TEAD4: variants seen among roughly 807,000 people sequenced by gnomAD.
TEAD4 encodes transcriptional enhancer factor TEF-3.
A neutral mutation model predicts 52.4 loss-of-function variants in TEAD4; 36 were observed. That is an observed-to-expected ratio of 0.69 (90% CI 0.53 to 0.91). The LOEUF is 0.91. TEAD4 is among the 40% of genes least tolerant of loss of function. TEAD4 has a pLI of 0.00. For synonymous variants in TEAD4, 220 were observed against 231.0 expected (o/e 0.95, Z 0.43); for missense variants, 508 against 583.9 (o/e 0.87, Z 1.34).
At chr12:3,017,269 CTT>C in intron 5 of TEAD4, 127 bp from the exon 6 acceptor site, 1 of 1,254,202 alleles carries the variant, frequency 8.0e-7, no homozygotes, top group South Asian at 1.3e-5. Flanking sequence ...ACGGCACAGA[CTT>C]AACGCCTGGT....
rs373486560 is a variant in TEAD4 at position 3,040,487 on chromosome 12, G to A, written c.*9G>A. On this transcript the variant is annotated 3_prime_UTR_variant, in exon 13 of 13. Transcript: ENST00000359864. The stretch of plus-strand genomic sequence containing the variant: ...GGCTGGTGAAAGAATGAGAGACTCG[G>A]GGAGCAGGGAGGGGGGAAGAGACGT... 554 of 1,612,814 alleles carry A rather than the reference G, an allele frequency of 3.4e-4. No homozygotes were observed. The highest frequency in any genetic ancestry group is 5.0e-4 in the Admixed American group (30 of 59,974).
chr12:3,029,273 T>C (rs2098274002), intron 10 of TEAD4, among the ~76,000 whole-genome samples: 2 of 137,850 alleles, frequency 1.5e-5, no homozygotes, highest in Admixed American at 1.7e-4. Context: ...AGTCTCACTC[T>C]GTCACCCAGG....
At chr12:3,003,051 C>T (rs2098252930) in intron 3 of TEAD4, among the ~76,000 whole-genome samples, 1 of 152,190 alleles carries the variant, frequency 6.6e-6, no homozygotes, top group African/African-American at 2.4e-5. Context: ...CACCCTGGCC[C>T]CCGCTTCCAG....
In TEAD4 at chr12:2,994,437, G is replaced by A. The variant is rs115480760; in HGVS notation, c.-29-301G>A. On this transcript the variant is annotated intron_variant, in intron 2 of 12. Coordinates refer to ENST00000359864, the MANE Select transcript of TEAD4 (RefSeq NM_003213.4). The surrounding 1 kb of genome is among the most constrained non-coding windows in gnomAD (Gnocchi z 4.7). ...TTTTGCATGCTTTTTGCCCAGGGTCGATTTAATGTCAGTGCATCCCCGGCA... is the reference window on the plus strand; with the variant it reads ...TTTTGCATGCTTTTTGCCCAGGGTCAATTTAATGTCAGTGCATCCCCGGCA... Among the ~76,000 whole-genome samples the A allele has an allele frequency of 4.6e-3, 706 of 152,206 alleles. 3 individuals are homozygous for A. The highest frequency in any genetic ancestry group is 0.016 in the African/African-American group (658 of 41,538).
At chr12:3,003,878 G>T (rs1034632814) in intron 3 of TEAD4, among the ~76,000 whole-genome samples, 1 of 152,214 alleles carries the variant, frequency 6.6e-6, no homozygotes, top group South Asian at 2.1e-4. Flanking sequence ...GCAGCTAGGG[G>T]CAGAGCTGGG....
At chr12:2,996,748 C>T (rs2098247539) in intron 3 of TEAD4, among the ~76,000 whole-genome samples, 1 of 151,950 alleles carries the variant, frequency 6.6e-6, no homozygotes, top group South Asian at 2.1e-4. Flanking sequence ...CAGAGTCTTG[C>T]TCTGTCGCCC....
At chr12:3,028,524 G>T (rs949273724) in intron 10 of TEAD4, among the ~76,000 whole-genome samples, 6 of 152,124 alleles carry the variant, frequency 3.9e-5, no homozygotes, top group Non-Finnish European at 7.4e-5. Flanking sequence ...TCTCATTGTG[G>T]TTTTTATCTG....
intron 2 of TEAD4, among the ~76,000 whole-genome samples, chr12:2,993,224 C>T (rs2098244571): frequency 6.6e-6 from 1 of 152,184 alleles, no homozygotes; most frequent in Non-Finnish European, 1.5e-5. Context: ...CTTCATCGTG[C>T]AAAACCGAAA....
At chr12:2,967,788 C>T (rs553225724) in intron 2 of TEAD4, among the ~76,000 whole-genome samples, 1 of 152,258 alleles carries the variant, frequency 6.6e-6, no homozygotes, top group African/African-American at 2.4e-5. Context: ...TGTTTTTCAA[C>T]CTCTACTTTA....
At chr12:3,032,057 TTG>T (rs1383716021) in intron 10 of TEAD4, among the ~76,000 whole-genome samples, 1 of 152,208 alleles carries the variant, frequency 6.6e-6, no homozygotes, top group Non-Finnish European at 1.5e-5. Context: ...AGCCAGCCCC[TTG>T]GGCTTCTTGG....
intron 2 of TEAD4, among the ~76,000 whole-genome samples, chr12:2,965,678 A>G (rs2098219645): frequency 6.6e-6 from 1 of 151,966 alleles, no homozygotes; most frequent in African/African-American, 2.4e-5. Context: ...CAGCCTCCCC[A>G]GTAGCTGGGA....
At chr12:3,016,823 C>G (rs114959418) in intron 5 of TEAD4, among the ~76,000 whole-genome samples, 8 of 152,132 alleles carry the variant, frequency 5.3e-5, no homozygotes, top group African/African-American at 1.9e-4. Flanking sequence ...CAGGGTGAAC[C>G]CATCCTCTGG....
At chr12:2,967,212 A>G (rs1221619753) in intron 2 of TEAD4, among the ~76,000 whole-genome samples, 1 of 74,982 alleles carries the variant, frequency 1.3e-5, no homozygotes, top group East Asian at 5.2e-4. Flanking sequence ...ACATAATACT[A>G]TAATTCGGGT....
intron 2 of TEAD4, among the ~76,000 whole-genome samples, chr12:2,969,611 T>G (rs1049578470): frequency 1.3e-5 from 2 of 152,148 alleles, no homozygotes; most frequent in East Asian, 1.9e-4. Flanking sequence ...TTCCACTAGA[T>G]GAAACACTTC....
chr12:2,962,284 A>T lies in TEAD4; in HGVS notation c.-30+2244A>T, dbSNP rs942811181. ...GTTTCATATATATATATTTATATAT[A>T]TTTATTTATATATATAAATATAAAT... On this transcript the variant is annotated intron_variant, in intron 2 of 12. Coordinates refer to ENST00000359864, the MANE Select transcript of TEAD4 (RefSeq NM_003213.4). Among the ~76,000 whole-genome samples, 11 of 135,036 alleles carry T rather than the reference A, an allele frequency of 8.1e-5. No homozygotes were observed. In the East Asian group the frequency reaches 2.3e-3, roughly 28 times the overall value. 88.6% of individuals were successfully genotyped at this position (135,036 alleles called of 152,430 possible).
intron 2 of TEAD4, among the ~76,000 whole-genome samples, chr12:2,987,782 A>G (rs1440946178): frequency 1.3e-5 from 2 of 151,086 alleles, no homozygotes. Context: ...TCACAATTTC[A>G]GGGCCGGGCA....
At chr12:2,983,566 G>A (rs2098235791) in intron 2 of TEAD4, among the ~76,000 whole-genome samples, 1 of 152,212 alleles carries the variant, frequency 6.6e-6, no homozygotes, top group East Asian at 1.9e-4. Flanking sequence ...TGGTTGTGTA[G>A]TTGGTGGTAG....
chr12:2,964,408 AG>A (rs552575267), intron 2 of TEAD4, among the ~76,000 whole-genome samples: 77 of 151,010 alleles, frequency 5.1e-4, no homozygotes, highest in Middle Eastern at 7.0e-3. Context: ...AGCTCTGGAC[AG>A]GGAGTCCCCA....
intron 2 of TEAD4, among the ~76,000 whole-genome samples, chr12:2,983,802 C>G (rs929390519): frequency 6.6e-6 from 1 of 152,218 alleles, no homozygotes; most frequent in African/African-American, 2.4e-5. Context: ...ACAAATATCC[C>G]TTCGTTTGTT....
Sources: allele counts gnomAD v4.1 joint callset (sites outside exome capture counted in the v4.1 genomes callset), GRCh38; gene constraint gnomAD v4.1.1; non-coding constraint Gnocchi (gnomAD v3.1); transcripts MANE v1.5; gene names NCBI Gene and HGNC (gene_info 2026-07-23, HGNC 2026-07-21).